Variants in TRAPPC2 observed in about 807,000 individuals in gnomAD.
TRAPPC2 encodes the protein sedlin.
Under a neutral mutation model 10.0 loss-of-function variants are expected in TRAPPC2, and 4 were observed. That is an observed-to-expected ratio of 0.40 (90% confidence interval 0.20 to 0.92). The LOEUF (loss-of-function observed/expected upper bound fraction) is 0.92. Ranked by LOEUF, TRAPPC2 falls within the 40% of genes least tolerant of loss-of-function variation. The probability of loss-of-function intolerance (pLI) is 0.35; values close to 1 mark genes in which losing one functional copy is unlikely to be tolerated. For synonymous variants in TRAPPC2, 36 were observed against 37.3 expected, an observed-to-expected ratio of 0.97 and a Z score of 0.12; for missense variants, 52 against 108.7, an observed-to-expected ratio of 0.48 and a Z score of 2.32.
At chrX:13,716,800 C>CTG in intron 3 of TRAPPC2, 122 bp from the exon 4 acceptor site, 1 of 706,461 alleles carries the variant, frequency 1.4e-6, no homozygotes. Flanking sequence ...TGCTTTTATA[C>CTG]TTTGTTATTG....
At chrX:13,724,686 G>A (rs989004558) in intron 2 of TRAPPC2, among the ~76,000 whole-genome samples, 6 of 112,499 alleles carry the variant, frequency 5.3e-5, no homozygotes, top group Admixed American at 1.9e-4. Context: ...CGTGATCAAC[G>A]CAGAAGATGG....
At chrX:13,725,140 C>A (rs1265040427) in intron 2 of TRAPPC2, among the ~76,000 whole-genome samples, 1 of 113,163 alleles carries the variant, frequency 8.8e-6, no homozygotes, top group Non-Finnish European at 1.9e-5. Flanking sequence ...GCAAAGCCTA[C>A]TGCCTCTAGA....
intron 2 of TRAPPC2, chrX:13,722,211 A>G (rs73197715): frequency 3.1e-5 from 1 of 31,937 alleles, no homozygotes; most frequent in Admixed American, 4.7e-4. Context: ...GCAGCAGCAA[A>G]AAAAAAAAAA....
Position 13,722,017 on chromosome X carries a change from G to A in TRAPPC2, c.-19-2035C>T, listed in dbSNP as rs757192387. On this transcript the variant is annotated intron_variant, in intron 2 of 5. Transcript: ENST00000380579. ...CAGAAAAAGTGGATAACAAAGACGA[G>A]CTGGAATGATAAAAAAGCTATGCAA... The A allele has an allele frequency of 6.1e-4, 67 of 109,289 alleles. 1 individual carries two copies. Among genetic ancestry groups the A allele is most frequent in the African/African-American group, 2.1e-3 (62 of 29,997 alleles). 9.0% of individuals were successfully genotyped at this position (109,289 alleles called of 1,213,427 possible). A position where few individuals can be genotyped will look rare whatever the true frequency, so the allele number is the denominator to read the frequency against.
intron 2 of TRAPPC2, among the ~76,000 whole-genome samples, chrX:13,725,152 T>C (rs1198504543): frequency 8.9e-6 from 1 of 112,968 alleles, no homozygotes; most frequent in Non-Finnish European, 1.9e-5. Flanking sequence ...GCCTCTAGAC[T>C]CCACCTCTCT....
At chrX:13,718,152 A>T (rs907522369) in intron 3 of TRAPPC2, among the ~76,000 whole-genome samples, 18 of 112,683 alleles carry the variant, frequency 1.6e-4, no homozygotes, top group African/African-American at 5.8e-4. Flanking sequence ...TGCTGTCCCA[A>T]GCCACTCAGT....
chrX:13,734,596 G>T lies in TRAPPC2; in HGVS notation c.-233C>A. The T allele has an allele frequency of 1.4e-6, 1 of 708,201 alleles. No individual in the cohort carries two copies. Among genetic ancestry groups the T allele is most frequent in the African/African-American group, 2.2e-5 (1 of 44,709 alleles). The allele number at this position is 708,201 out of a possible 1,213,427, so 58.4% of individuals were successfully genotyped here. On this transcript the variant is annotated 5_prime_UTR_variant, in exon 1 of 6. Transcript: ENST00000380579. ...AAGAGACCCGCGCCCCGAACCTGTAGCCAGAACGCCGAAGCAGTTCTCGCG... is the reference window on the plus strand; with the variant it reads ...AAGAGACCCGCGCCCCGAACCTGTATCCAGAACGCCGAAGCAGTTCTCGCG...
chrX:13,725,874 G>A (rs957822011), intron 2 of TRAPPC2, among the ~76,000 whole-genome samples: 7 of 111,509 alleles, frequency 6.3e-5, no homozygotes, highest in South Asian at 3.7e-4. Context: ...AAGATTAGAC[G>A]AATGGCTAAC....
chrX:13,728,779 G>T (rs1290548236), intron 2 of TRAPPC2, among the ~76,000 whole-genome samples: 1 of 111,655 alleles, frequency 9.0e-6, no homozygotes. Flanking sequence ...AGAACTAAAG[G>T]GTATTCAATT....
At chrX:13,722,520 T>C (rs749097275) in intron 2 of TRAPPC2, among the ~76,000 whole-genome samples, 1 of 111,871 alleles carries the variant, frequency 8.9e-6, no homozygotes, top group Admixed American at 9.5e-5. Context: ...AGAAGGGCTG[T>C]AGCTTTTCAT....
At chrX:13,715,327 G>T (rs1432907737) in intron 5 of TRAPPC2, among the ~76,000 whole-genome samples, 1 of 112,162 alleles carries the variant, frequency 8.9e-6, no homozygotes, top group Non-Finnish European at 1.9e-5. Flanking sequence ...ACAAAAATTA[G>T]CTGGGTGTGG....
intron 1 of TRAPPC2, 138 bp downstream of exon 1, chrX:13,734,387 C>T: frequency 3.5e-6 from 1 of 288,704 alleles, no homozygotes; most frequent in East Asian, 5.4e-5. Context: ...GATGAGCCAG[C>T]GGAGGGCTGG....
intron 3 of TRAPPC2, among the ~76,000 whole-genome samples, 200 bp from the exon 4 acceptor site, chrX:13,716,878 A>G (rs1439245181): frequency 9.0e-6 from 1 of 110,735 alleles, no homozygotes; most frequent in Non-Finnish European, 1.9e-5. Flanking sequence ...CTACATCTCA[A>G]CAGAAACAGC....
chrX:13,734,524 C>A lies in TRAPPC2; in HGVS notation c.-162+1G>T. 1 of 273,254 alleles carries A rather than the reference C, an allele frequency of 3.7e-6. No individual in the cohort carries two copies. The highest frequency in any genetic ancestry group is 5.7e-6 in the Non-Finnish European group (1 of 174,409). The allele number at this position is 273,254 out of a possible 1,213,427, so 22.5% of individuals were successfully genotyped here. ...CCCGCCGCACTTGCTCCATTCCCTA[C>A]CTGCAGTGGGAGGCCGACAACGGAA... On this transcript the variant is annotated splice_donor_variant, in intron 1 of 5. Coordinates refer to ENST00000380579, the MANE Select transcript of TRAPPC2 (RefSeq NM_001011658.4). LOFTEE classifies it low-confidence loss of function (5UTR_SPLICE).
chrX:13,715,743 G>A (rs772544798), intron 5 of TRAPPC2: 3 of 858,349 alleles, frequency 3.5e-6, no homozygotes, highest in South Asian at 4.5e-5. Flanking sequence ...AATCAGCTAT[G>A]AGGACAACAA....
In TRAPPC2 at chrX:13,734,596, G is replaced by A; in HGVS notation, c.-233C>T. ...AAGAGACCCGCGCCCCGAACCTGTAGCCAGAACGCCGAAGCAGTTCTCGCG... is the reference window on the plus strand; with the variant it reads ...AAGAGACCCGCGCCCCGAACCTGTAACCAGAACGCCGAAGCAGTTCTCGCG... On this transcript the variant is annotated 5_prime_UTR_variant, in exon 1 of 6. Coordinates refer to ENST00000380579, the MANE Select transcript of TRAPPC2 (RefSeq NM_001011658.4). 1 of 708,201 alleles carries A rather than the reference G, an allele frequency of 1.4e-6. No homozygotes were observed. Among genetic ancestry groups the A allele is most frequent in the Non-Finnish European group, 1.8e-6 (1 of 568,384 alleles). The allele number at this position is 708,201 out of a possible 1,213,427, so 58.4% of individuals were successfully genotyped here.
chrX:13,714,468 A>C lies in TRAPPC2; in HGVS notation c.362T>G (p.Ile121Ser), dbSNP rs1271022187. The C allele has an allele frequency of 8.6e-7, 1 of 1,168,922 alleles. No individual in the cohort carries two copies. Among genetic ancestry groups the C allele is most frequent in the South Asian group, 1.9e-5 (1 of 51,688 alleles). Reference sequence around the variant, plus strand: ...TTTTCTGTCAAATGCACTTGATCGAATAGGAGAATTGGGTTCATAAAATGG... The same window carrying C: ...TTTTCTGTCAAATGCACTTGATCGACTAGGAGAATTGGGTTCATAAAATGG... Reference protein sequence around the residue: ...MNPFYEPNSPIRSSAFDRKVQ... With the variant: ...MNPFYEPNSPSRSSAFDRKVQ... The change falls in exon 6 of 6, where the codon ATT (isoleucine) becomes AGT (serine). Residue 121 changes from isoleucine to serine, a missense_variant. Physicochemically the swap from Ile to Ser is moderately radical, Grantham distance 142 (BLOSUM62 -2). Coordinates refer to ENST00000380579, the MANE Select transcript of TRAPPC2 (RefSeq NM_001011658.4).
chrX:13,717,087 G>A (rs994985382), intron 3 of TRAPPC2, among the ~76,000 whole-genome samples: 1 of 98,774 alleles, frequency 1.0e-5, no homozygotes, highest in East Asian at 3.3e-4. Flanking sequence ...GAGAAGAGGT[G>A]CCATTCACAC....
intron 1 of TRAPPC2, 120 bp from the exon 2 acceptor site, chrX:13,734,305 CTGAA>C: frequency 2.8e-6 from 1 of 351,578 alleles, no homozygotes; most frequent in Admixed American, 4.9e-5. Context: ...CCTGGGTTAG[CTGAA>C]TGACCCAGTG....
Sources: allele counts gnomAD v4.1 joint callset (sites outside exome capture counted in the v4.1 genomes callset), GRCh38; gene constraint gnomAD v4.1.1; transcripts MANE v1.5; gene names NCBI Gene and HGNC (gene_info 2026-07-23, HGNC 2026-07-21).